PROM1: variants seen among roughly 807,000 people sequenced by gnomAD.
PROM1 encodes the protein prominin-1.
A neutral mutation model predicts 116.9 loss-of-function variants in PROM1; 105 were observed. That is an observed-to-expected ratio of 0.90 (90% CI 0.77 to 1.06). The LOEUF (loss-of-function observed/expected upper bound fraction) is 1.06. PROM1 is among the 50% of genes least tolerant of loss of function. The pLI is 0.00. For missense variants in PROM1, 1,122 were observed against 1,045.2 expected (o/e 1.07, Z -1.01); for synonymous variants, 393 against 387.0 (o/e 1.02, Z -0.18).
At chr4:16,083,400 C>G (rs1384357738) in intron 1 of PROM1, 1 of 151,784 alleles carries the variant, frequency 6.6e-6, no homozygotes, top group African/African-American at 2.4e-5. Flanking sequence ...CGCGGGCCAC[C>G]ACTCAGACTA....
chr4:15,979,726 C>G (rs1349134520), intron 25 of PROM1, among the ~76,000 whole-genome samples, 155 bp downstream of exon 25: 2 of 152,140 alleles, frequency 1.3e-5, no homozygotes, highest in Admixed American at 1.3e-4. Context: ...TGCCAACCCT[C>G]TTTTTAAGAC....
intron 5 of PROM1, among the ~76,000 whole-genome samples, chr4:16,025,915 C>T (rs950095707): frequency 6.6e-6 from 1 of 152,172 alleles, no homozygotes; most frequent in Admixed American, 6.5e-5. Flanking sequence ...AAGCCACATA[C>T]AACAGAGCAC....
intron 25 of PROM1, 50 bp downstream of exon 25, chr4:15,979,831 T>C (rs1331851230): frequency 1.4e-6 from 2 of 1,402,560 alleles, no homozygotes; most frequent in Non-Finnish European, 9.8e-7. Flanking sequence ...CATAATAATA[T>C]CAACCTCCCC....
intron 2 of PROM1, among the ~76,000 whole-genome samples, chr4:16,052,617 A>G (rs996633994): frequency 1.3e-5 from 2 of 152,092 alleles, no homozygotes; most frequent in East Asian, 3.8e-4. Flanking sequence ...AGCTGGGACT[A>G]CAGGTGCACA....
intron 2 of PROM1, among the ~76,000 whole-genome samples, chr4:16,060,379 G>A (rs1243173242): frequency 6.6e-6 from 1 of 150,624 alleles, no homozygotes; most frequent in Non-Finnish European, 1.5e-5. Flanking sequence ...GTGCAATCTC[G>A]GCTCACCGCA....
chr4:15,986,036 T>C lies in PROM1; in HGVS notation c.2132A>G (p.Glu711Gly). ...AGAAGCTAGAATCCTAGTTACTCTC[T>C]CCTGAAAGACACAGCCACAGTTATC... The part of the protein sequence containing the change: ...ILQRTGNGLL[E>G]RVTRILASLD... The change falls in exon 21 of 28, where the codon GAG (glutamate) becomes GGG (glycine). Residue 711 changes from glutamate to glycine, a missense_variant and splice_region_variant. Glu to Gly is a moderately conservative substitution (Grantham distance 98). Coordinates refer to ENST00000447510, the MANE Select transcript of PROM1 (RefSeq NM_006017.3). The C allele has an allele frequency of 6.4e-7, 1 of 1,561,334 alleles. No individual in the cohort carries two copies. The highest frequency in any genetic ancestry group is 8.7e-7 in the Non-Finnish European group (1 of 1,142,970).
rs1738100382 is a variant in PROM1 at position 16,052,447 on chromosome 4, C to T, written c.221-13446G>A. 1.3e-5 allele frequency among the ~76,000 whole-genome samples: 2 copies of T among 152,290 alleles called. 1 individual carries two copies. Among genetic ancestry groups the T allele is most frequent in the African/African-American group, 4.8e-5 (2 of 41,570 alleles). On this transcript the variant is annotated intron_variant, in intron 2 of 27. Transcript: ENST00000447510. ...AATAAATGGAAAAGAAGTGACAGAA[C>T]ACCACCACTTTACAGCACTATAGTA...
chr4:16,032,448 CT>C (rs1191615850), intron 5 of PROM1, among the ~76,000 whole-genome samples: 1 of 152,192 alleles, frequency 6.6e-6, no homozygotes, highest in African/African-American at 2.4e-5. Context: ...TGAAAAAAAT[CT>C]TACGGCTACT....
chr4:16,023,219 G>T, intron 8 of PROM1, 107 bp downstream of exon 8: 2 of 966,342 alleles, frequency 2.1e-6, no homozygotes, highest in Non-Finnish European at 3.2e-6. Flanking sequence ...ACGGACGGTG[G>T]CTCTCCCCAA....
chr4:16,043,799 T>C (rs1333360063), intron 2 of PROM1, among the ~76,000 whole-genome samples: 3 of 152,222 alleles, frequency 2.0e-5, no homozygotes, highest in Admixed American at 6.5e-5. Context: ...TCCATTGCTC[T>C]GTCCATAGCT....
At chr4:15,985,664 G>T in intron 22 of PROM1, 96 bp downstream of exon 22, 1 of 955,842 alleles carries the variant, frequency 1.0e-6, no homozygotes, top group South Asian at 1.5e-5. Context: ...ACCAAATTAT[G>T]GGAAATTTAA....
At chr4:15,990,460 T>C (rs545573675) in intron 18 of PROM1, among the ~76,000 whole-genome samples, 15 of 152,272 alleles carry the variant, frequency 9.9e-5, no homozygotes, top group Admixed American at 8.5e-4. Flanking sequence ...TTACTATTGG[T>C]AACTCAAAGC....
chr4:15,971,126 C>A lies in PROM1; in HGVS notation c.2583-44G>T, dbSNP rs1714440059. 3 of 1,520,408 alleles carry A rather than the reference C, an allele frequency of 2.0e-6. No individual in the cohort carries two copies. The African/African-American group carries it at 4.1e-5, about 21-fold the overall frequency. 94.2% of individuals were successfully genotyped at this position (1,520,408 alleles called of 1,614,324 possible). ...AAGAAATATAATACCCCCAACAAAG[C>A]TGTGGGTGGTTTCATCACCTCTGTG... On this transcript the variant is annotated intron_variant, in intron 26 of 27. Coordinates refer to ENST00000447510, the MANE Select transcript of PROM1 (RefSeq NM_006017.3).
chr4:16,062,215 C>T (rs1740515744), intron 2 of PROM1, among the ~76,000 whole-genome samples: 1 of 152,034 alleles, frequency 6.6e-6, no homozygotes, highest in Admixed American at 6.6e-5. Flanking sequence ...TAAGAAGACA[C>T]CAGTCATATT....
At chr4:16,071,986 T>C (rs1007878923) in intron 2 of PROM1, among the ~76,000 whole-genome samples, 1 of 152,162 alleles carries the variant, frequency 6.6e-6, no homozygotes, top group Non-Finnish European at 1.5e-5. Context: ...GCTCTCTTCT[T>C]AATGAGCCTA....
intron 6 of PROM1, among the ~76,000 whole-genome samples, chr4:16,024,778 A>G (rs1239314102): frequency 6.6e-6 from 1 of 152,190 alleles, no homozygotes; most frequent in African/African-American, 2.4e-5. Flanking sequence ...ATCTATGCAG[A>G]CATTAGCAAA....
intron 26 of PROM1, among the ~76,000 whole-genome samples, chr4:15,975,104 T>C (rs1715764743): frequency 6.6e-5 from 10 of 152,202 alleles, no homozygotes; most frequent in Non-Finnish European, 1.5e-5. Flanking sequence ...TAAGAAAAGA[T>C]TATGGTCATT....
chr4:16,015,691 A>AAAAAC (rs755488493), intron 10 of PROM1, among the ~76,000 whole-genome samples: 18 of 152,144 alleles, frequency 1.2e-4, no homozygotes, highest in South Asian at 8.3e-4. Context: ...TTCCACCTCA[A>AAAAAC]AAAACAAAAC....
chr4:15,994,328 A>C (rs1018971586), intron 15 of PROM1, among the ~76,000 whole-genome samples: 1 of 152,242 alleles, frequency 6.6e-6, no homozygotes, highest in African/African-American at 2.4e-5. Context: ...TCTGTCTCCT[A>C]CATGCTCTAG....
Sources: gnomAD v4.1 joint callset for allele counts (sites outside exome capture counted in the v4.1 genomes callset) on GRCh38, gnomAD v4.1.1 for gene constraint, MANE v1.5 for transcripts, NCBI Gene and HGNC (gene_info 2026-07-23, HGNC 2026-07-21) for gene names.